ERAP1: variants seen among roughly 807,000 people sequenced by gnomAD.
The protein encoded by ERAP1 is endoplasmic reticulum aminopeptidase 1.
A neutral mutation model predicts 103.7 loss-of-function variants in ERAP1; 86 were observed. That is an observed-to-expected ratio of 0.83 (90% CI 0.70 to 0.99). The LOEUF is 0.99. ERAP1 is among the 50% of genes least tolerant of loss of function. The probability of loss-of-function intolerance (pLI) is 0.00; values close to 1 mark genes in which losing one functional copy is unlikely to be tolerated. For missense variants in ERAP1, 1,009 were observed against 1,128.4 expected, an observed-to-expected ratio of 0.89 and a Z score of 1.52; for synonymous variants, 398 against 402.4, an observed-to-expected ratio of 0.99 and a Z score of 0.13.
At chr5:96,888,334 G>C in the ERAP1 span, among the ~76,000 whole-genome samples, 1 of 152,154 alleles carries the variant, frequency 6.6e-6, no homozygotes, top group African/African-American at 2.4e-5. Context: ...CACTTCAGAG[G>C]ACAGGTTCCT....
At chr5:96,887,100 T>TATATAC in the ERAP1 span, among the ~76,000 whole-genome samples, 407 of 137,332 alleles carry the variant, frequency 3.0e-3, 1 homozygote, top group Non-Finnish European at 4.7e-3. Flanking sequence ...TATATATATA[T>TATATAC]ACACACACAC....
At chr5:96,912,903 C>A in the ERAP1 span, 1 of 887,112 alleles carries the variant, frequency 1.1e-6, no homozygotes, top group South Asian at 1.6e-5. Flanking sequence ...ATAATTGAAT[C>A]AGAATGTGTA....
At chr5:96,852,779 A>C in the ERAP1 span, among the ~76,000 whole-genome samples, 13,749 of 152,252 alleles carry the variant, frequency 0.09, 811 homozygotes, top group Middle Eastern at 0.16. Context: ...ATGGTGACTC[A>C]ATTACTTTTC....
At chr5:96,810,495 C>G (rs139429781), upstream of ERAP1, among the ~76,000 whole-genome samples, 9 of 152,122 alleles carry the variant, frequency 5.9e-5, no homozygotes, top group South Asian at 2.1e-4. Context: ...TGAGACAGGT[C>G]GGCAACTTGC....
At chr5:96,813,650 C>CAAAAAAAAAA in the ERAP1 span, among the ~76,000 whole-genome samples, 31 of 55,158 alleles carry the variant, frequency 5.6e-4, 11 homozygotes, top group African/African-American at 1.8e-3. Context: ...AGACTCATCT[C>CAAAAAAAAAA]AAAAAAAAAA....
chr5:96,932,033 T>C, the ERAP1 span, among the ~76,000 whole-genome samples: 1 of 152,242 alleles, frequency 6.6e-6, no homozygotes, highest in East Asian at 1.9e-4. Flanking sequence ...TTCACTTTAT[T>C]TGGCTGCGTT....
chr5:96,879,640 A>G, the ERAP1 span: 17 of 1,534,172 alleles, frequency 1.1e-5, no homozygotes, highest in Admixed American at 2.4e-4. Flanking sequence ...ATGAAGAACT[A>G]CGAGATTAGC....
the ERAP1 span, among the ~76,000 whole-genome samples, chr5:96,852,038 C>A: frequency 6.6e-6 from 1 of 152,138 alleles, no homozygotes; most frequent in South Asian, 2.1e-4. Context: ...GGCAAATAGC[C>A]CCCAACCCCA....
the ERAP1 span, among the ~76,000 whole-genome samples, chr5:96,891,526 CGGTATATAT>C: frequency 2.7e-5 from 1 of 36,952 alleles, no homozygotes; most frequent in African/African-American, 1.2e-4. Context: ...TGCCCATATA[CGGTATATAT>C]ACACACACAC....
chr5:96,926,182 T>C, the ERAP1 span, among the ~76,000 whole-genome samples: 286 of 152,310 alleles, frequency 1.9e-3, 1 homozygote, highest in Middle Eastern at 0.014. Context: ...AGTGCTGGGA[T>C]TACAGGCTTG....
the ERAP1 span, among the ~76,000 whole-genome samples, chr5:96,905,672 C>G: frequency 6.6e-6 from 1 of 152,066 alleles, no homozygotes; most frequent in African/African-American, 2.4e-5. Context: ...TCACTTGAAG[C>G]CAGGAGTTTG....
chr5:96,893,048 C>G, the ERAP1 span, among the ~76,000 whole-genome samples: 2 of 152,082 alleles, frequency 1.3e-5, no homozygotes, highest in Non-Finnish European at 2.9e-5. Context: ...ATAGTAAGCA[C>G]TCAATAAGTA....
the ERAP1 span, among the ~76,000 whole-genome samples, chr5:96,878,904 G>A: frequency 6.6e-6 from 1 of 152,172 alleles, no homozygotes; most frequent in Admixed American, 6.5e-5. Flanking sequence ...TTCCAACCTG[G>A]ACAACAGCGA....
chr5:96,896,439 ATC>A, the ERAP1 span: 2 of 1,613,502 alleles, frequency 1.2e-6, no homozygotes, highest in East Asian at 4.5e-5. Context: ...ATCCCGCCCT[ATC>A]TCCAAACCAG....
chr5:96,886,253 G>T, the ERAP1 span, among the ~76,000 whole-genome samples: 8 of 152,228 alleles, frequency 5.3e-5, no homozygotes, highest in East Asian at 1.5e-3. Context: ...TTTCCACAGG[G>T]GTGTACTTCT....
chr5:96,782,924 A>G (rs564252390), intron 15 of ERAP1, 127 bp downstream of exon 15: 2 of 923,246 alleles, frequency 2.2e-6, no homozygotes, highest in Non-Finnish European at 3.4e-6. Context: ...AAAGCAATTT[A>G]TTTTCCAGAA....
chr5:96,769,497 C>A (rs1358576180), downstream of ERAP1: 1 of 151,010 alleles, frequency 6.6e-6, no homozygotes, highest in African/African-American at 2.4e-5. Context: ...TTGAGGTTTA[C>A]AACATGGTAG....
At chr5:96,908,614 A>G in the ERAP1 span, among the ~76,000 whole-genome samples, 1 of 152,242 alleles carries the variant, frequency 6.6e-6, no homozygotes, top group Non-Finnish European at 1.5e-5. Flanking sequence ...TTTGGTACTA[A>G]ATGTTAATAT....
chr5:96,847,373 G>C, the ERAP1 span, among the ~76,000 whole-genome samples: 1,189 of 152,088 alleles, frequency 7.8e-3, 18 homozygotes, highest in African/African-American at 0.027. Flanking sequence ...CACAATACTA[G>C]TAGAGGATTT....
Sources: gnomAD v4.1 joint callset for allele counts (sites outside exome capture counted in the v4.1 genomes callset) on GRCh38, gnomAD v4.1.1 for gene constraint, MANE v1.5 for transcripts, NCBI Gene and HGNC (gene_info 2026-07-23, HGNC 2026-07-21) for gene names.